KCNB2: variants seen among roughly 807,000 people sequenced by gnomAD.
KCNB2 encodes potassium voltage-gated channel subfamily B member 2.
A neutral mutation model predicts 61.5 loss-of-function variants in KCNB2; 15 were observed. The ratio of observed to expected loss-of-function variants is 0.24; its 90% confidence interval spans 0.16 to 0.38. The LOEUF is 0.38. Ranked by LOEUF, KCNB2 falls within the 10% of genes least tolerant of loss-of-function variation. The pLI is 1.00. For missense variants in KCNB2, 828 were observed against 1,125.2 expected (o/e 0.74, Z 3.78); for synonymous variants, 457 against 446.0 (o/e 1.02, Z -0.31).
At chr8:72,892,349 G>A (rs115719602) in intron 2 of KCNB2, among the ~76,000 whole-genome samples, 102 of 152,214 alleles carry the variant, frequency 6.7e-4, no homozygotes, top group African/African-American at 2.3e-3. Context: ...CACGAAATGT[G>A]GCAGGAAGGA....
intron 2 of KCNB2, among the ~76,000 whole-genome samples, chr8:72,745,093 A>G (rs1344760891): frequency 1.3e-5 from 2 of 152,178 alleles, no homozygotes; most frequent in Admixed American, 6.5e-5. Flanking sequence ...TTAAATGTGC[A>G]TGTTGGGATC....
At chr8:72,815,226 A>T (rs1458886190) in intron 2 of KCNB2, among the ~76,000 whole-genome samples, 1 of 152,144 alleles carries the variant, frequency 6.6e-6, no homozygotes, top group African/African-American at 2.4e-5. Flanking sequence ...AAGGAGTAAA[A>T]CAGAGAAGTG....
intron 2 of KCNB2, among the ~76,000 whole-genome samples, chr8:72,606,594 C>T (rs1325293273): frequency 6.6e-6 from 1 of 152,174 alleles, no homozygotes; most frequent in Non-Finnish European, 1.5e-5. Context: ...GTCCTCAGCT[C>T]CACATCCCCT....
chr8:72,845,504 C>A (rs564891563), intron 2 of KCNB2, among the ~76,000 whole-genome samples: 1 of 152,226 alleles, frequency 6.6e-6, no homozygotes, highest in Non-Finnish European at 1.5e-5. Context: ...AGCTGGCAGG[C>A]AGGAATATTT....
intron 2 of KCNB2, among the ~76,000 whole-genome samples, chr8:72,928,681 G>GACACACACACAC (rs10606839): frequency 3.5e-5 from 5 of 143,730 alleles, no homozygotes; most frequent in Admixed American, 1.4e-4. Context: ...CACACACACA[G>GACACACACACAC]ACACACACAC....
At chr8:72,828,829 C>T (rs1809641997) in intron 2 of KCNB2, among the ~76,000 whole-genome samples, 1 of 152,142 alleles carries the variant, frequency 6.6e-6, no homozygotes, top group Non-Finnish European at 1.5e-5. Flanking sequence ...TAGTGCATTT[C>T]CCTTCTAGCA....
intron 2 of KCNB2, among the ~76,000 whole-genome samples, chr8:72,807,163 C>T (rs1809238766): frequency 6.6e-6 from 1 of 152,168 alleles, no homozygotes; most frequent in African/African-American, 2.4e-5. Flanking sequence ...ACATTAACAG[C>T]CAGTGGAAGA....
chr8:72,664,586 C>T (rs1806435846), intron 2 of KCNB2, among the ~76,000 whole-genome samples: 1 of 152,170 alleles, frequency 6.6e-6, no homozygotes, highest in Non-Finnish European at 1.5e-5. Flanking sequence ...AAAGACTTCC[C>T]TTTCTGATTT....
intron 2 of KCNB2, among the ~76,000 whole-genome samples, chr8:72,718,135 A>G (rs1189072276): frequency 6.6e-6 from 1 of 152,156 alleles, no homozygotes; most frequent in Non-Finnish European, 1.5e-5. Flanking sequence ...CACCAGTTAG[A>G]ATGGCAATCA....
At chr8:72,654,618 AT>A (rs1806262022) in intron 2 of KCNB2, among the ~76,000 whole-genome samples, 1 of 152,198 alleles carries the variant, frequency 6.6e-6, no homozygotes. Flanking sequence ...TTCTTAAAAA[AT>A]TTAGATTCTT....
At chr8:72,857,922 T>C (rs776824077) in intron 2 of KCNB2, among the ~76,000 whole-genome samples, 1 of 152,070 alleles carries the variant, frequency 6.6e-6, no homozygotes, top group Non-Finnish European at 1.5e-5. Flanking sequence ...CACAGGAATA[T>C]AAAATATGAT....
At chr8:72,932,347 C>T (rs772721521) in intron 2 of KCNB2, among the ~76,000 whole-genome samples, 1 of 152,148 alleles carries the variant, frequency 6.6e-6, no homozygotes, top group Non-Finnish European at 1.5e-5. Context: ...TAACAAAGGC[C>T]TGAGTCCTGA....
At chr8:72,725,559 A>ATG (rs1236208225) in intron 2 of KCNB2, among the ~76,000 whole-genome samples, 41 of 58,290 alleles carry the variant, frequency 7.0e-4, no homozygotes, top group African/African-American at 1.9e-3. Context: ...ATATATATGT[A>ATG]TATATGTATA....
intron 2 of KCNB2, among the ~76,000 whole-genome samples, chr8:72,849,536 C>T (rs1245998378): frequency 6.6e-6 from 1 of 152,104 alleles, no homozygotes; most frequent in African/African-American, 2.4e-5. Context: ...ATATAAAACT[C>T]ATTTTTCCTA....
intron 2 of KCNB2, among the ~76,000 whole-genome samples, chr8:72,583,485 A>G (rs914135817): frequency 6.6e-6 from 1 of 152,096 alleles, no homozygotes; most frequent in Non-Finnish European, 1.5e-5. Flanking sequence ...ACAAAAAAAA[A>G]CCTGTCACAT....
chr8:72,694,275 G>C (rs1412128982), intron 2 of KCNB2, among the ~76,000 whole-genome samples: 1 of 152,192 alleles, frequency 6.6e-6, no homozygotes, highest in Non-Finnish European at 1.5e-5. Context: ...GCAAATCAGT[G>C]AGTTTGCATG....
At chr8:72,628,241 A>G (rs2098526003) in intron 2 of KCNB2, among the ~76,000 whole-genome samples, 1 of 152,228 alleles carries the variant, frequency 6.6e-6, no homozygotes, top group Non-Finnish European at 1.5e-5. Flanking sequence ...GGCGTGAGCC[A>G]TCACGTCTGG....
chr8:72,703,575 A>C (rs58327964), intron 2 of KCNB2, among the ~76,000 whole-genome samples: 4,195 of 152,280 alleles, frequency 0.028, 74 homozygotes, highest in South Asian at 0.074. Flanking sequence ...AGCCTCAGAC[A>C]GTTCCCAGAG....
At chr8:72,622,154 T>C (rs927417064) in intron 2 of KCNB2, among the ~76,000 whole-genome samples, 1 of 152,228 alleles carries the variant, frequency 6.6e-6, no homozygotes, top group Admixed American at 6.5e-5. Context: ...CCTTATGGAA[T>C]GTACACAGAA....
Sources: allele counts gnomAD v4.1 joint callset (sites outside exome capture counted in the v4.1 genomes callset), GRCh38; gene constraint gnomAD v4.1.1; transcripts MANE v1.5; gene names NCBI Gene and HGNC (gene_info 2026-07-23, HGNC 2026-07-21).